ARHGEF28: variants seen among roughly 807,000 people sequenced by gnomAD.
ARHGEF28 encodes the protein 190 kDa guanine nucleotide exchange factor.
A neutral mutation model predicts 206.6 loss-of-function variants in ARHGEF28; 152 were observed. The ratio of observed to expected loss-of-function variants is 0.74; its 90% CI spans 0.64 to 0.84. ARHGEF28 has a LOEUF of 0.84. Among genes scored for constraint, ARHGEF28 ranks in the 40% least tolerant of loss-of-function variants. The pLI is 0.00. For missense variants in ARHGEF28, 2,028 were observed against 2,073.2 expected (o/e 0.98, Z 0.42); for synonymous variants, 763 against 776.4 (o/e 0.98, Z 0.29).
In ARHGEF28 at chr5:73,780,658, T is replaced by A; in HGVS notation, c.841-18T>A. On this transcript the variant is annotated intron_variant, in intron 6 of 35. Coordinates refer to ENST00000513042, the MANE Select transcript of ARHGEF28 (RefSeq NM_001177693.2). ...TTTTCTGTGCTTTTTTGTTTTTTTT[T>A]TCCCCATTGTTTCCTAGGCCTTTGA... 6.5e-7 allele frequency: 1 copy of A among 1,547,292 alleles called. No individual in the cohort carries two copies. Among genetic ancestry groups the A allele is most frequent in the Non-Finnish European group, 8.7e-7 (1 of 1,146,048 alleles).
At chr5:73,685,541 C>T (rs904704700) in intron 2 of ARHGEF28, among the ~76,000 whole-genome samples, 10 of 152,014 alleles carry the variant, frequency 6.6e-5, no homozygotes, top group Non-Finnish European at 2.9e-5. Flanking sequence ...GGGGCCTGGG[C>T]AGGTGGGCCT....
chr5:73,783,953 C>G (rs1754002195), intron 7 of ARHGEF28, among the ~76,000 whole-genome samples: 1 of 152,252 alleles, frequency 6.6e-6, no homozygotes, highest in Non-Finnish European at 1.5e-5. Flanking sequence ...TGAATCTAGA[C>G]AATGCTTTTG....
At chr5:73,645,809 GCA>G (rs1744389894) in intron 1 of ARHGEF28, among the ~76,000 whole-genome samples, 2 of 151,800 alleles carry the variant, frequency 1.3e-5, no homozygotes, top group Admixed American at 1.3e-4. Context: ...GAGAGTTTCA[GCA>G]GTGTCTTTAA....
At chr5:73,787,353 A>G (rs1754226000) in intron 7 of ARHGEF28, among the ~76,000 whole-genome samples, 1 of 152,182 alleles carries the variant, frequency 6.6e-6, no homozygotes, top group Non-Finnish European at 1.5e-5. Flanking sequence ...AATCATACGC[A>G]GCCCTAGGAA....
intron 2 of ARHGEF28, among the ~76,000 whole-genome samples, chr5:73,699,368 CGAGA>C (rs145449422): frequency 2.1e-5 from 3 of 146,300 alleles, no homozygotes; most frequent in African/African-American, 5.1e-5. Context: ...TAAGGGGAAT[CGAGA>C]GAGAGAGAGA....
At chr5:73,710,329 G>A (rs1749164737) in intron 2 of ARHGEF28, among the ~76,000 whole-genome samples, 1 of 152,074 alleles carries the variant, frequency 6.6e-6, no homozygotes, top group Non-Finnish European at 1.5e-5. Context: ...CTTTTCATAT[G>A]CTTACTTGCT....
chr5:73,805,463 G>A (rs181099065), intron 9 of ARHGEF28, among the ~76,000 whole-genome samples: 50 of 152,290 alleles, frequency 3.3e-4, no homozygotes, highest in African/African-American at 1.2e-3. Context: ...AATGAGTGGA[G>A]TCTATAAGAA....
chr5:73,862,460 A>C (rs915035949), intron 16 of ARHGEF28, among the ~76,000 whole-genome samples: 1 of 152,194 alleles, frequency 6.6e-6, no homozygotes, highest in Admixed American at 6.5e-5. Flanking sequence ...TTAACATTTT[A>C]CATTTAATTT....
intron 1 of ARHGEF28, among the ~76,000 whole-genome samples, chr5:73,654,618 G>A (rs1745059838): frequency 6.6e-6 from 1 of 152,210 alleles, no homozygotes; most frequent in African/African-American, 2.4e-5. Flanking sequence ...ATGGGGATTA[G>A]AACTCATTGA....
intron 1 of ARHGEF28, among the ~76,000 whole-genome samples, chr5:73,634,522 T>A (rs995446066): frequency 6.6e-6 from 1 of 152,240 alleles, no homozygotes; most frequent in African/African-American, 2.4e-5. Flanking sequence ...TAATCTAGGA[T>A]CAACATGAAA....
chr5:73,677,918 A>G (rs1313953235), intron 1 of ARHGEF28, among the ~76,000 whole-genome samples: 1 of 152,252 alleles, frequency 6.6e-6, no homozygotes, highest in African/African-American at 2.4e-5. Flanking sequence ...ACTTTCACAG[A>G]TAGAATGAAA....
chr5:73,805,966 T>C (rs766002977), intron 9 of ARHGEF28, among the ~76,000 whole-genome samples: 20 of 151,444 alleles, frequency 1.3e-4, no homozygotes, highest in Non-Finnish European at 2.2e-4. Flanking sequence ...TGCTCATTTG[T>C]TTATTAAACA....
intron 9 of ARHGEF28, among the ~76,000 whole-genome samples, chr5:73,820,508 A>T (rs1304416549): frequency 2.0e-5 from 3 of 151,976 alleles, no homozygotes; most frequent in African/African-American, 4.8e-5. Context: ...TGAGTGCTTT[A>T]TTACTGGGTG....
At chr5:73,812,685 A>G (rs1233275966) in intron 9 of ARHGEF28, among the ~76,000 whole-genome samples, 1 of 152,144 alleles carries the variant, frequency 6.6e-6, no homozygotes, top group Non-Finnish European at 1.5e-5. Context: ...GGAGACGGCA[A>G]GAACTGTTGG....
chr5:73,762,455 C>CAAAA (rs35028103), intron 4 of ARHGEF28, among the ~76,000 whole-genome samples: 9 of 66,838 alleles, frequency 1.3e-4, no homozygotes, highest in African/African-American at 1.7e-4. Flanking sequence ...GACTCCCTCT[C>CAAAA]AAAAAAAAAA....
At position 73,795,389 on chromosome 5, in the gene ARHGEF28, T is replaced by G; in HGVS notation, c.1022T>G (p.Leu341Trp). The G allele has an allele frequency of 6.2e-7, 1 of 1,613,438 alleles. No individual in the cohort carries two copies. The highest frequency in any genetic ancestry group is 8.5e-7 in the Non-Finnish European group (1 of 1,179,458). Reference protein sequence around the residue: ...NEHEDQHSLDLDRSFDILKKS... With the variant: ...NEHEDQHSLDWDRSFDILKKS... ...CATGAAGACCAGCACAGCCTAGATT[T>G]GGGTATGAAATAACGCTTTTACCTA... The change falls in exon 9 of 36, where the codon TTG (leucine) becomes TGG (tryptophan). Residue 341 changes from leucine to tryptophan, a missense_variant and splice_region_variant. This residue lies in a region of ARHGEF28 where 1,002 missense variants were observed against 1,015.3 expected (regional missense o/e 0.99). Coordinates refer to ENST00000513042, the MANE Select transcript of ARHGEF28 (RefSeq NM_001177693.2).
intron 2 of ARHGEF28, among the ~76,000 whole-genome samples, chr5:73,691,219 T>A (rs1747809523): frequency 6.6e-6 from 1 of 152,222 alleles, no homozygotes; most frequent in South Asian, 2.1e-4. Context: ...CATGAGCCAC[T>A]GTGCCCAGTG....
At chr5:73,693,041 C>G (rs1355982061) in intron 2 of ARHGEF28, among the ~76,000 whole-genome samples, 1 of 152,182 alleles carries the variant, frequency 6.6e-6, no homozygotes, top group Non-Finnish European at 1.5e-5. Flanking sequence ...AGATTAGTCT[C>G]CAAGAGGGAG....
intron 2 of ARHGEF28, among the ~76,000 whole-genome samples, chr5:73,714,736 G>T (rs2112316009): frequency 6.6e-6 from 1 of 152,224 alleles, no homozygotes; most frequent in Non-Finnish European, 1.5e-5. Flanking sequence ...TTACAAATAT[G>T]TACACCTGTG....
Sources: gnomAD v4.1 joint callset for allele counts (sites outside exome capture counted in the v4.1 genomes callset) on GRCh38, gnomAD v4.1.1 for gene constraint, gnomAD v4.1.1 regional missense constraint, MANE v1.5 for transcripts, NCBI Gene and HGNC (gene_info 2026-07-23, HGNC 2026-07-21) for gene names.